BACH2: variants seen among roughly 807,000 people sequenced by gnomAD.
BACH2 encodes transcription regulator protein BACH2.
Under a neutral mutation model 61.8 loss-of-function variants are expected in BACH2, and 5 were observed. The observed-to-expected ratio is 0.08, with a 90% confidence interval of 0.04 to 0.17. The LOEUF (loss-of-function observed/expected upper bound fraction) is 0.17. Ranked by LOEUF, BACH2 falls within the 10% of genes least tolerant of loss-of-function variation. The pLI, the probability that BACH2 is intolerant of heterozygous loss-of-function variation, is 1.00. For missense variants in BACH2, 824 were observed against 1,091.1 expected, an observed-to-expected ratio of 0.76 and a Z score of 3.45; for synonymous variants, 446 against 440.1, an observed-to-expected ratio of 1.01 and a Z score of -0.17.
chr6:89,948,868 CCTTT>C (rs1202691286), intron 7 of BACH2, among the ~76,000 whole-genome samples: 2 of 152,130 alleles, frequency 1.3e-5, no homozygotes, highest in African/African-American at 4.8e-5. Context: ...ATTCATATTT[CCTTT>C]CTAATTTATT....
Position 89,950,309 on chromosome 6 carries a change from T to C in BACH2, c.1797A>G (p.Ala599=). The C allele has an allele frequency of 6.2e-7, 1 of 1,614,190 alleles. No homozygotes were observed. The highest frequency in any genetic ancestry group is 1.1e-5 in the South Asian group (1 of 91,076). The change falls in exon 7 of 9, where the codon GCA becomes GCG. Residue 599 remains alanine, a synonymous_variant. Transcript: ENST00000257749. The surrounding 1 kb of genome is among the most constrained non-coding windows in gnomAD (Gnocchi z 5.3). ...CCTGCACAGGACACGACTCACTGTC[T>C]GCTTCCGAGAACGATCCGGATTCGT... ...SSDESGSFSE[A]DSESCPVQDR...
intron 5 of BACH2, among the ~76,000 whole-genome samples, chr6:90,036,851 T>A (rs1779287699): frequency 6.6e-6 from 1 of 152,104 alleles, no homozygotes; most frequent in Non-Finnish European, 1.5e-5. Flanking sequence ...CCCAGAAAGA[T>A]CCCTTATACT....
intron 4 of BACH2, among the ~76,000 whole-genome samples, chr6:90,164,084 CAG>C (rs1562482145): frequency 6.6e-6 from 1 of 152,080 alleles, no homozygotes; most frequent in Non-Finnish European, 1.5e-5. Context: ...CTGAAGGAAA[CAG>C]AGACACAAAA....
intron 6 of BACH2, among the ~76,000 whole-genome samples, chr6:89,995,225 T>A (rs988935178): frequency 6.6e-6 from 1 of 152,128 alleles, no homozygotes; most frequent in African/African-American, 2.4e-5. Context: ...CCTGTAGAAT[T>A]ACCCTCACCC....
intron 3 of BACH2, among the ~76,000 whole-genome samples, chr6:90,224,985 A>T (rs1424683129): frequency 6.6e-6 from 1 of 152,176 alleles, no homozygotes; most frequent in African/African-American, 2.4e-5. Flanking sequence ...TCATATCTCA[A>T]TGTTGTTCAT....
At chr6:90,208,248 C>CT (rs1554257691) in intron 3 of BACH2, among the ~76,000 whole-genome samples, 1 of 152,154 alleles carries the variant, frequency 6.6e-6, no homozygotes, top group Non-Finnish European at 1.5e-5. Context: ...GCAAAAGAAA[C>CT]TATCAGCAGA....
chr6:89,977,337 T>C (rs1775706296), intron 6 of BACH2, among the ~76,000 whole-genome samples: 1 of 152,230 alleles, frequency 6.6e-6, no homozygotes, highest in South Asian at 2.1e-4. Flanking sequence ...GTATCACAGA[T>C]GTACTGTGCT....
intron 7 of BACH2, among the ~76,000 whole-genome samples, chr6:89,949,834 T>TTCAA (rs965618378): frequency 1.3e-5 from 2 of 151,912 alleles, no homozygotes; most frequent in Non-Finnish European, 2.9e-5. Flanking sequence ...TCTATTTGGT[T>TTCAA]TCAATCAATC....
Position 90,214,353 on chromosome 6 carries a change from G to T in BACH2, c.-274-7672C>A, listed in dbSNP as rs577090559. Reference sequence around the variant, plus strand: ...AATTTCAACTTCCCTCTCCCTTGGCGGGGCGGGGGGAGGGGGTTGCTGTAC... The same window carrying T: ...AATTTCAACTTCCCTCTCCCTTGGCTGGGCGGGGGGAGGGGGTTGCTGTAC... On this transcript the variant is annotated intron_variant, in intron 3 of 8. Coordinates refer to ENST00000257749, the MANE Select transcript of BACH2 (RefSeq NM_021813.4). Among the ~76,000 whole-genome samples, 62 of 151,780 alleles carry T rather than the reference G, an allele frequency of 4.1e-4. 1 individual carries two copies. Among genetic ancestry groups the T allele is most frequent in the African/African-American group, 1.5e-3 (61 of 41,372 alleles).
chr6:90,130,803 A>C (rs907108787), intron 4 of BACH2, among the ~76,000 whole-genome samples: 2 of 152,244 alleles, frequency 1.3e-5, no homozygotes, highest in Non-Finnish European at 2.9e-5. Flanking sequence ...TGAAATCTGA[A>C]GGCAAACAAT....
intron 6 of BACH2, among the ~76,000 whole-genome samples, chr6:89,967,975 T>C (rs1461768510): frequency 5.9e-5 from 9 of 152,122 alleles, no homozygotes; most frequent in Admixed American, 1.3e-4. Flanking sequence ...CTTCCAAATT[T>C]CCCCCAAATC....
chr6:90,219,214 G>A (rs914655124), intron 3 of BACH2, among the ~76,000 whole-genome samples: 4 of 152,094 alleles, frequency 2.6e-5, no homozygotes, highest in Admixed American at 6.5e-5. Context: ...TATGCCCAGC[G>A]CCTGCAGTGG....
At chr6:90,255,560 C>A (rs758822602) in intron 2 of BACH2, among the ~76,000 whole-genome samples, 3 of 151,868 alleles carry the variant, frequency 2.0e-5, no homozygotes, top group Non-Finnish European at 4.4e-5. Flanking sequence ...TTTGGATTGA[C>A]AATGATTTAA....
intron 5 of BACH2, among the ~76,000 whole-genome samples, chr6:90,070,607 C>G (rs1212873667): frequency 6.6e-6 from 1 of 152,184 alleles, no homozygotes; most frequent in Non-Finnish European, 1.5e-5. Flanking sequence ...CACAGTGCAG[C>G]AGTCTTGTCT....
At chr6:89,965,133 C>T (rs574616690) in intron 6 of BACH2, among the ~76,000 whole-genome samples, 1 of 152,260 alleles carries the variant, frequency 6.6e-6, no homozygotes, top group South Asian at 2.1e-4. Flanking sequence ...GTAATCCACC[C>T]GCCTGGGCCT....
intron 5 of BACH2, among the ~76,000 whole-genome samples, chr6:90,045,590 T>C (rs1443608553): frequency 2.0e-5 from 3 of 152,230 alleles, no homozygotes; most frequent in South Asian, 4.1e-4. Flanking sequence ...ATAAGTTGCA[T>C]TGAATTTGGG....
intron 4 of BACH2, among the ~76,000 whole-genome samples, chr6:90,103,882 G>A (rs1782784787): frequency 6.6e-6 from 1 of 152,172 alleles, no homozygotes. Context: ...CTTCATATAT[G>A]TATTTACAAA....
At position 89,951,271 on chromosome 6, in the gene BACH2, G is replaced by T. The variant is rs1009389283; in HGVS notation, c.835C>A (p.Pro279Thr). 4 of 1,614,148 alleles carry T rather than the reference G, an allele frequency of 2.5e-6. No homozygotes were observed. The highest frequency in any genetic ancestry group is 2.5e-6 in the Non-Finnish European group (3 of 1,180,038). Residue 279 changes from proline to threonine, a missense_variant, in exon 7 of 9, where the codon CCG (proline) becomes ACG (threonine). Pro to Thr is a conservative substitution (Grantham distance 38). Around this residue, in one of 8 missense-constraint regions of BACH2, gnomAD observed 226 missense variants for 228.5 expected, o/e 0.99. Coordinates refer to ENST00000257749, the MANE Select transcript of BACH2 (RefSeq NM_021813.4). This position sits in a 1 kb window ranked among gnomAD's most constrained non-coding sequence, Gnocchi z 6.4. ...GLARGQIKSE[P>T]PSEENEEESI... ...TCTTCCTCATTCTCTTCACTGGGCG[G>T]CTCACTTTTAATCTGCCCCCTGGCA...
chr6:90,294,465 A>G (rs141135017), intron 1 of BACH2, among the ~76,000 whole-genome samples: 1 of 152,360 alleles, frequency 6.6e-6, no homozygotes, highest in East Asian at 1.9e-4. Flanking sequence ...GAATACTAGA[A>G]GGGAAAACAT....
Sources: allele counts gnomAD v4.1 joint callset (sites outside exome capture counted in the v4.1 genomes callset), GRCh38; gene constraint gnomAD v4.1.1; regional missense constraint gnomAD v4.1.1; non-coding constraint Gnocchi (gnomAD v3.1); transcripts MANE v1.5; gene names NCBI Gene and HGNC (gene_info 2026-07-23, HGNC 2026-07-21).